The following LRRC7 variants were observed in gnomAD, a reference collection of about 807,000 sequenced individuals.
The protein encoded by LRRC7 is leucine rich repeat containing 7, also known as leucine-rich repeat-containing protein 7.
Under a neutral mutation model 175.7 loss-of-function variants are expected in LRRC7, and 23 were observed. The observed-to-expected ratio is 0.13, with a 90% CI of 0.09 to 0.19. LRRC7 has a LOEUF of 0.19. Ranked by LOEUF, LRRC7 falls within the 10% of genes least tolerant of loss-of-function variation. The pLI is 1.00. For synonymous variants in LRRC7, 685 were observed against 680.9 expected (o/e 1.01, Z -0.09); for missense variants, 1,354 against 1,904.7 (o/e 0.71, Z 5.38).
Position 69,792,172 on chromosome 1 carries a change from C to A in LRRC7, c.421+12C>A. 3 of 1,437,010 alleles carry A rather than the reference C, an allele frequency of 2.1e-6. No individual in the cohort carries two copies. Among genetic ancestry groups the A allele is most frequent in the Non-Finnish European group, 2.9e-6 (3 of 1,029,708 alleles). The allele number at this position is 1,437,010 out of a possible 1,614,324, so 89.0% of individuals were successfully genotyped here. On this transcript the variant is annotated intron_variant, in intron 4 of 26. Coordinates refer to ENST00000651989, the MANE Select transcript of LRRC7 (RefSeq NM_001370785.2). ...CATCAGTAAAAATGGTAAGATTTTT[C>A]TCTCATCATAAAATACCTAGAATTT... is the stretch of plus-strand genomic sequence containing the variant.
At chr1:69,949,927 C>T (rs984076722) in intron 8 of LRRC7, among the ~76,000 whole-genome samples, 3 of 151,968 alleles carry the variant, frequency 2.0e-5, no homozygotes, top group Non-Finnish European at 2.9e-5. Flanking sequence ...TTTTTTTAAT[C>T]GAATTGAATC....
intron 4 of LRRC7, among the ~76,000 whole-genome samples, chr1:69,796,380 G>T (rs2101076643): frequency 6.6e-6 from 1 of 151,950 alleles, no homozygotes; most frequent in East Asian, 2.0e-4. Context: ...GCATCAAGCT[G>T]GTTGCTTGTG....
At chr1:69,638,803 T>C (rs1653774600) in intron 1 of LRRC7, among the ~76,000 whole-genome samples, 1 of 151,796 alleles carries the variant, frequency 6.6e-6, no homozygotes, top group African/African-American at 2.4e-5. Flanking sequence ...AAAGCAACTC[T>C]GTTTTGAATC....
intron 4 of LRRC7, among the ~76,000 whole-genome samples, chr1:69,795,149 G>A (rs1366186008): frequency 2.6e-5 from 4 of 152,070 alleles, no homozygotes; most frequent in Non-Finnish European, 4.4e-5. Context: ...TGAGAGGCCC[G>A]GGCCAGGGGA....
intron 25 of LRRC7, among the ~76,000 whole-genome samples, chr1:70,093,416 T>C (rs1664170508): frequency 6.6e-6 from 1 of 152,148 alleles, no homozygotes; most frequent in African/African-American, 2.4e-5. Context: ...TTAATTAACT[T>C]GCCCAAGGTC....
chr1:70,007,557 C>T (rs571389106), intron 11 of LRRC7, among the ~76,000 whole-genome samples: 12 of 152,184 alleles, frequency 7.9e-5, no homozygotes, highest in African/African-American at 2.4e-4. Context: ...ACATTAGAAA[C>T]ACTGAGAATT....
At chr1:70,080,095 T>G (rs1325540985) in intron 24 of LRRC7, among the ~76,000 whole-genome samples, 1 of 152,182 alleles carries the variant, frequency 6.6e-6, no homozygotes, top group East Asian at 1.9e-4. Context: ...TGATATTAAT[T>G]AAACCTGCCT....
intron 2 of LRRC7, among the ~76,000 whole-genome samples, chr1:69,699,537 A>T (rs142899292): frequency 8.8e-4 from 132 of 150,192 alleles, no homozygotes; most frequent in African/African-American, 2.9e-3. Context: ...GACTCCATCT[A>T]AAAAAAAAGA....
intron 7 of LRRC7, among the ~76,000 whole-genome samples, chr1:69,841,890 A>G (rs1681776357): frequency 6.6e-6 from 1 of 152,072 alleles, no homozygotes; most frequent in African/African-American, 2.4e-5. Context: ...CAAACATTAT[A>G]ATCAGATTAG....
At chr1:69,958,152 G>T (rs12032126) in intron 8 of LRRC7, among the ~76,000 whole-genome samples, 2 of 151,746 alleles carry the variant, frequency 1.3e-5, no homozygotes, top group Admixed American at 6.6e-5. Flanking sequence ...AAAAATATTT[G>T]CAGCCATAAA....
intron 26 of LRRC7, among the ~76,000 whole-genome samples, 190 bp downstream of exon 26, chr1:70,108,016 A>G (rs1476328623): frequency 6.6e-6 from 1 of 151,850 alleles, no homozygotes; most frequent in Admixed American, 6.6e-5. Context: ...TATCCCTAGC[A>G]CCTTACACAG....
At chr1:69,580,101 A>C (rs1352957804) in intron 1 of LRRC7, among the ~76,000 whole-genome samples, 1 of 152,148 alleles carries the variant, frequency 6.6e-6, no homozygotes, top group East Asian at 1.9e-4. Flanking sequence ...AGAAAGAAAT[A>C]AAGGCATTGA....
At chr1:69,866,755 G>A (rs1208428194) in intron 7 of LRRC7, among the ~76,000 whole-genome samples, 2 of 152,044 alleles carry the variant, frequency 1.3e-5, no homozygotes, top group Non-Finnish European at 2.9e-5. Context: ...CTGCATTAGT[G>A]CTCCTTTGGT....
intron 9 of LRRC7, among the ~76,000 whole-genome samples, chr1:69,984,494 G>A (rs889818578): frequency 3.9e-5 from 6 of 152,240 alleles, no homozygotes; most frequent in African/African-American, 1.4e-4. Flanking sequence ...ACTGAAATGT[G>A]TGGAACATTT....
At chr1:69,626,712 C>T (rs1651621711) in intron 1 of LRRC7, among the ~76,000 whole-genome samples, 1 of 111,944 alleles carries the variant, frequency 8.9e-6, no homozygotes, top group South Asian at 3.8e-4. Context: ...TATCCCTCCC[C>T]CCTCCCCTCT....
chr1:69,630,301 T>C (rs1240412515), intron 1 of LRRC7, among the ~76,000 whole-genome samples: 1 of 152,164 alleles, frequency 6.6e-6, no homozygotes, highest in Non-Finnish European at 1.5e-5. Flanking sequence ...TGGTGGACAG[T>C]TTTCAATATT....
chr1:69,826,996 C>T (rs1289459817), intron 5 of LRRC7, among the ~76,000 whole-genome samples: 2 of 151,818 alleles, frequency 1.3e-5, no homozygotes, highest in Non-Finnish European at 2.9e-5. Flanking sequence ...TAATCTGAGG[C>T]CTTTTGTAGG....
chr1:69,990,736 A>G (rs978395243), intron 10 of LRRC7, among the ~76,000 whole-genome samples: 24 of 152,282 alleles, frequency 1.6e-4, no homozygotes, highest in Admixed American at 1.4e-3. Context: ...ACGGTGGAAG[A>G]AAGAAAAATA....
At chr1:70,121,095 A>G (rs554384923) in intron 26 of LRRC7, among the ~76,000 whole-genome samples, 2 of 152,132 alleles carry the variant, frequency 1.3e-5, no homozygotes, top group South Asian at 4.1e-4. Flanking sequence ...TTTAAACTGA[A>G]TATCAATTGC....
Sources: gnomAD v4.1 joint callset for allele counts (sites outside exome capture counted in the v4.1 genomes callset) on GRCh38, gnomAD v4.1.1 for gene constraint, MANE v1.5 for transcripts, NCBI Gene and HGNC (gene_info 2026-07-23, HGNC 2026-07-21) for gene names.